Variants in LINGO2 observed in about 807,000 individuals in gnomAD.
LINGO2 encodes leucine rich repeat and Ig domain containing 2, also known as leucine-rich repeat and immunoglobulin-like domain-containing nogo receptor-interacting protein 2.
LINGO2 carries 14 observed loss-of-function variants against 30.6 expected under a neutral mutation model. The ratio of observed to expected loss-of-function variants is 0.46; its 90% CI spans 0.30 to 0.72. The LOEUF is 0.72. Ranked by LOEUF, LINGO2 falls within the 30% of genes least tolerant of loss-of-function variation. The probability of loss-of-function intolerance (pLI) is 0.07; values close to 1 mark genes in which losing one functional copy is unlikely to be tolerated. For synonymous variants in LINGO2, 317 were observed against 288.5 expected (o/e 1.10, Z -1.00); for missense variants, 729 against 751.7 (o/e 0.97, Z 0.35).
At chr9:28,861,490 T>A in the LINGO2 span, among the ~76,000 whole-genome samples, 1 of 150,352 alleles carries the variant, frequency 6.7e-6, no homozygotes, top group Non-Finnish European at 1.5e-5. Flanking sequence ...ACCTTGTCCA[T>A]AACAGGAGAC....
At chr9:28,719,023 T>C in the LINGO2 span, among the ~76,000 whole-genome samples, 24 of 152,106 alleles carry the variant, frequency 1.6e-4, no homozygotes, top group South Asian at 4.8e-3. Context: ...TTAGCAAACC[T>C]GCCTTCTTCA....
chr9:28,490,211 A>G (rs1280592856), intron 1 of LINGO2, among the ~76,000 whole-genome samples: 1 of 152,156 alleles, frequency 6.6e-6, no homozygotes, highest in South Asian at 2.1e-4. Context: ...TCAAGTTCCA[A>G]TACAACCTTG....
chr9:28,456,625 T>C (rs73437482), intron 2 of LINGO2, among the ~76,000 whole-genome samples: 1 of 152,116 alleles, frequency 6.6e-6, no homozygotes. Flanking sequence ...GTCTACCCAT[T>C]TGAACCAGTG....
the LINGO2 span, among the ~76,000 whole-genome samples, chr9:29,027,623 C>CTGT: frequency 6.6e-6 from 1 of 152,298 alleles, no homozygotes; most frequent in East Asian, 1.9e-4. Context: ...CAGGCATGAG[C>CTGT]CACCACACCA....
At chr9:28,768,785 T>A in the LINGO2 span, among the ~76,000 whole-genome samples, 1 of 152,138 alleles carries the variant, frequency 6.6e-6, no homozygotes, top group Non-Finnish European at 1.5e-5. Flanking sequence ...TGATTACATC[T>A]CTATCTTTTT....
At chr9:28,349,866 T>A (rs1281536994) in intron 3 of LINGO2, among the ~76,000 whole-genome samples, 1 of 151,988 alleles carries the variant, frequency 6.6e-6, no homozygotes, top group South Asian at 2.1e-4. Flanking sequence ...AAGAAAAGGA[T>A]TTTCAACCCA....
At chr9:28,665,061 A>C (rs2136023854) in intron 1 of LINGO2, among the ~76,000 whole-genome samples, 1 of 144,014 alleles carries the variant, frequency 6.9e-6, no homozygotes, top group Non-Finnish European at 1.5e-5. Context: ...CACAATAGGT[A>C]CTCAATAAAG....
At chr9:28,198,172 A>T (rs1820083518) in intron 4 of LINGO2, among the ~76,000 whole-genome samples, 1 of 152,006 alleles carries the variant, frequency 6.6e-6, no homozygotes, top group Non-Finnish European at 1.5e-5. Flanking sequence ...AAAAAAACTA[A>T]ATGTCCATCA....
At chr9:28,746,856 C>T in the LINGO2 span, among the ~76,000 whole-genome samples, 3 of 152,010 alleles carry the variant, frequency 2.0e-5, 1 homozygote, top group African/African-American at 7.3e-5. Flanking sequence ...TCGGAAACTT[C>T]ACTTTCACCT....
At chr9:29,150,284 A>G in the LINGO2 span, among the ~76,000 whole-genome samples, 1 of 152,232 alleles carries the variant, frequency 6.6e-6, no homozygotes, top group Non-Finnish European at 1.5e-5. Context: ...AATATATTCC[A>G]TTTATACCAC....
the LINGO2 span, among the ~76,000 whole-genome samples, chr9:28,704,049 AT>A: frequency 6.6e-6 from 1 of 151,966 alleles, no homozygotes; most frequent in African/African-American, 2.4e-5. Flanking sequence ...TTAAACGTAG[AT>A]CAGAGTTTCT....
the LINGO2 span, among the ~76,000 whole-genome samples, chr9:28,888,008 T>G: frequency 6.6e-6 from 1 of 152,068 alleles, no homozygotes; most frequent in Non-Finnish European, 1.5e-5. Flanking sequence ...GAAGATAACA[T>G]TTTGAGGAAT....
chr9:28,300,824 G>A (rs1052093893), intron 3 of LINGO2, among the ~76,000 whole-genome samples: 26 of 151,218 alleles, frequency 1.7e-4, no homozygotes, highest in Admixed American at 4.6e-4. Context: ...TAGTGTGAAC[G>A]GGGAAGTAAA....
the LINGO2 span, among the ~76,000 whole-genome samples, chr9:28,713,251 AT>A: frequency 0.02 from 3,061 of 152,204 alleles, 106 homozygotes; most frequent in African/African-American, 0.067. Context: ...CAATGATGAC[AT>A]TTCTGTACAC....
intron 1 of LINGO2, among the ~76,000 whole-genome samples, chr9:28,650,177 C>G (rs1828031441): frequency 6.6e-6 from 1 of 152,052 alleles, no homozygotes; most frequent in South Asian, 2.1e-4. Flanking sequence ...CAGAGTTGCA[C>G]TGGAATACTA....
intron 3 of LINGO2, among the ~76,000 whole-genome samples, chr9:28,320,141 G>A (rs1470512509): frequency 6.6e-6 from 1 of 151,970 alleles, no homozygotes; most frequent in East Asian, 1.9e-4. Flanking sequence ...GTTTTGCATT[G>A]GAAACATACA....
intron 4 of LINGO2, among the ~76,000 whole-genome samples, chr9:28,094,671 G>A (rs934560308): frequency 6.6e-6 from 1 of 151,964 alleles, no homozygotes; most frequent in Non-Finnish European, 1.5e-5. Context: ...TTTCCATTGA[G>A]CAAATACTAG....
chr9:28,893,453 A>T, the LINGO2 span, among the ~76,000 whole-genome samples: 1 of 152,058 alleles, frequency 6.6e-6, no homozygotes, highest in Non-Finnish European at 1.5e-5. Flanking sequence ...GTAAAAAGTC[A>T]TGCAGTTTTT....
intron 4 of LINGO2, among the ~76,000 whole-genome samples, chr9:28,161,268 C>G (rs980498348): frequency 6.6e-6 from 1 of 151,936 alleles, no homozygotes; most frequent in Non-Finnish European, 1.5e-5. Context: ...TGGGAAAAAG[C>G]AGGGGGGCAG....
Sources: gnomAD v4.1 joint callset for allele counts (sites outside exome capture counted in the v4.1 genomes callset) on GRCh38, gnomAD v4.1.1 for gene constraint, MANE v1.5 for transcripts, NCBI Gene and HGNC (gene_info 2026-07-23, HGNC 2026-07-21) for gene names.